Variants in RBPMS observed in about 807,000 individuals in gnomAD.
RBPMS encodes RNA binding protein, mRNA processing factor, also known as RNA-binding protein with multiple splicing.
RBPMS carries 7 observed loss-of-function variants against 26.8 expected under a neutral mutation model. The observed-to-expected ratio is 0.26, with a 90% CI of 0.15 to 0.49. The LOEUF is 0.49. Ranked by LOEUF, RBPMS falls within the 20% of genes least tolerant of loss-of-function variation. The pLI is 0.98. For missense variants in RBPMS, 186 were observed against 250.0 expected, an observed-to-expected ratio of 0.74 and a Z score of 1.73; for synonymous variants, 96 against 93.3, an observed-to-expected ratio of 1.03 and a Z score of -0.17.
chr8:30,498,184 A>G (rs1475626013), intron 4 of RBPMS, among the ~76,000 whole-genome samples: 1 of 151,910 alleles, frequency 6.6e-6, no homozygotes, highest in Non-Finnish European at 1.5e-5. Flanking sequence ...AGGAAGCTCT[A>G]GCAGAATCTG....
intron 5 of RBPMS, among the ~76,000 whole-genome samples, chr8:30,518,687 C>CTTTGTTTTTTTTTTTTTT (rs1822628044): frequency 5.5e-5 from 1 of 18,236 alleles, no homozygotes; most frequent in Non-Finnish European, 9.8e-5. Context: ...CCAAGCATGA[C>CTTTGTTTTTTTTTTTTTT]TTTTTTTTTT....
intron 1 of RBPMS, among the ~76,000 whole-genome samples, chr8:30,445,067 C>T (rs1813580448): frequency 6.6e-6 from 1 of 151,888 alleles, no homozygotes; most frequent in South Asian, 2.1e-4. Flanking sequence ...GTTGATGTTT[C>T]ATGTGAGTTC....
intron 4 of RBPMS, among the ~76,000 whole-genome samples, chr8:30,502,771 C>T (rs575786386): frequency 6.6e-6 from 1 of 152,248 alleles, no homozygotes; most frequent in Admixed American, 6.5e-5. Flanking sequence ...CCTTTGTGAC[C>T]TCACCCCAGC....
chr8:30,508,834 A>C (rs1399676903), intron 5 of RBPMS, among the ~76,000 whole-genome samples: 1 of 152,212 alleles, frequency 6.6e-6, no homozygotes, highest in Non-Finnish European at 1.5e-5. Flanking sequence ...AAATTAATTG[A>C]ATAAATGTTC....
rs1221374080 is a variant in RBPMS, at chr8:30,437,956, C to T, written c.67-36823C>T. On this transcript the variant is annotated intron_variant, in intron 1 of 8. Transcript: ENST00000397323. ...CCTGGGTGACAGAGTGAGACTCCGT[C>T]TCAAAAAAAGAAAAAAAAAAAGTTG... Among the ~76,000 whole-genome samples the T allele has an allele frequency of 6.6e-5, 10 of 151,608 alleles. No individual in the cohort carries two copies. In the East Asian group the frequency reaches 1.9e-3, roughly 29 times the overall value.
intron 1 of RBPMS, among the ~76,000 whole-genome samples, chr8:30,470,956 TTATAA>T (rs1299700399): frequency 6.6e-6 from 1 of 152,198 alleles, no homozygotes; most frequent in Non-Finnish European, 1.5e-5. Context: ...TCCATAAACT[TTATAA>T]TATAATATTG....
rs185204249 is a variant in RBPMS, at chr8:30,502,171, G to A, written c.247-2115G>A. 4.9e-3 allele frequency among the ~76,000 whole-genome samples: 711 copies of A among 145,426 alleles called. 5 individuals are homozygous for A. Among genetic ancestry groups the A allele is most frequent in the Admixed American group, 7.6e-3 (111 of 14,656 alleles). On this transcript the variant is annotated intron_variant, in intron 4 of 8. Transcript: ENST00000397323. ...TTTTTTTTTTTAAATAAGGATGCTG[G>A]AACTTTGATTTGGAACATGATGTTG...
At chr8:30,560,661 G>A (rs1827384336) in intron 7 of RBPMS, among the ~76,000 whole-genome samples, 1 of 152,118 alleles carries the variant, frequency 6.6e-6, no homozygotes, top group Non-Finnish European at 1.5e-5. Flanking sequence ...TCCTTCCAAG[G>A]TCAGTGAAAC....
At chr8:30,555,779 C>T (rs761276893) in intron 6 of RBPMS, 114 of 582,750 alleles carry the variant, frequency 2.0e-4, no homozygotes, top group Non-Finnish European at 2.3e-4. Context: ...AATTGTAAAG[C>T]AGCCCTTATG....
intron 5 of RBPMS, 69 bp from the exon 6 acceptor site, chr8:30,544,425 T>C: frequency 6.9e-7 from 1 of 1,457,498 alleles, no homozygotes; most frequent in Non-Finnish European, 9.6e-7. Context: ...GGTTGTTGGG[T>C]GTTTTGTTTT....
chr8:30,528,606 A>C (rs1385177018), intron 5 of RBPMS, among the ~76,000 whole-genome samples: 1 of 152,222 alleles, frequency 6.6e-6, no homozygotes, highest in Non-Finnish European at 1.5e-5. Context: ...TACTCATTCA[A>C]GACATTTCTG....
chr8:30,515,288 A>G (rs1822185458), intron 5 of RBPMS, among the ~76,000 whole-genome samples: 1 of 152,220 alleles, frequency 6.6e-6, no homozygotes, highest in African/African-American at 2.4e-5. Flanking sequence ...ATGGATTTTA[A>G]TGGAACATAA....
At chr8:30,387,510 A>G (rs1158386562) in intron 1 of RBPMS, among the ~76,000 whole-genome samples, 2 of 152,056 alleles carry the variant, frequency 1.3e-5, no homozygotes, top group Non-Finnish European at 2.9e-5. Flanking sequence ...CTGCCCACCC[A>G]TTGTATCAGC....
intron 1 of RBPMS, among the ~76,000 whole-genome samples, chr8:30,468,830 T>G (rs1816787780): frequency 6.6e-6 from 1 of 152,206 alleles, no homozygotes; most frequent in Non-Finnish European, 1.5e-5. Context: ...TTCATTTATA[T>G]CTATAAGAAT....
At chr8:30,433,110 A>G (rs931631275) in intron 1 of RBPMS, among the ~76,000 whole-genome samples, 15 of 152,206 alleles carry the variant, frequency 9.9e-5, no homozygotes, top group African/African-American at 3.4e-4. Flanking sequence ...CACTCCCCCC[A>G]AACTTGACTA....
intron 1 of RBPMS, among the ~76,000 whole-genome samples, chr8:30,468,705 A>G (rs1241972726): frequency 2.6e-5 from 4 of 152,202 alleles, no homozygotes; most frequent in Non-Finnish European, 4.4e-5. Flanking sequence ...ACAGCCTTCA[A>G]ACTCTAAAAT....
intron 6 of RBPMS, among the ~76,000 whole-genome samples, chr8:30,551,594 G>A (rs1038783895): frequency 6.6e-5 from 10 of 152,078 alleles, no homozygotes; most frequent in Non-Finnish European, 1.3e-4. Flanking sequence ...GATCCTACGC[G>A]CCTTCTCCCC....
At chr8:30,421,860 C>G (rs1285037818) in intron 1 of RBPMS, among the ~76,000 whole-genome samples, 2 of 151,846 alleles carry the variant, frequency 1.3e-5, no homozygotes, top group Non-Finnish European at 2.9e-5. Flanking sequence ...GAGGCTGAGG[C>G]AGGGGAATTG....
At chr8:30,391,080 C>A (rs1807739285) in intron 1 of RBPMS, among the ~76,000 whole-genome samples, 1 of 150,724 alleles carries the variant, frequency 6.6e-6, no homozygotes. Flanking sequence ...GGTGAGCCTG[C>A]CTGGTCCATC....
Sources: gnomAD v4.1 joint callset for allele counts (sites outside exome capture counted in the v4.1 genomes callset) on GRCh38, gnomAD v4.1.1 for gene constraint, MANE v1.5 for transcripts, NCBI Gene and HGNC (gene_info 2026-07-23, HGNC 2026-07-21) for gene names.